CXXC5: variants seen among roughly 807,000 people sequenced by gnomAD.
CXXC5 encodes CXXC finger protein 5.
A neutral mutation model predicts 17.6 loss-of-function variants in CXXC5; 2 were observed. The ratio of observed to expected loss-of-function variants is 0.11; its 90% CI spans 0.05 to 0.36. The LOEUF (loss-of-function observed/expected upper bound fraction) is 0.36. Ranked by LOEUF, CXXC5 falls within the 10% of genes least tolerant of loss-of-function variation. The pLI, the probability that CXXC5 is intolerant of heterozygous loss-of-function variation, is 1.00. For synonymous variants in CXXC5, 171 were observed against 193.0 expected, an observed-to-expected ratio of 0.89 and a Z score of 0.94; for missense variants, 343 against 458.3, an observed-to-expected ratio of 0.75 and a Z score of 2.30.
At chr5:139,665,509 C>T (rs1756061524) in intron 1 of CXXC5, 1 of 152,322 alleles carries the variant, frequency 6.6e-6, no homozygotes, top group Admixed American at 6.5e-5. Flanking sequence ...ACCTAACCCC[C>T]AGTGGCCTCT....
In CXXC5 at chr5:139,661,793, C is replaced by T. The variant is rs1210735954; in HGVS notation, c.-161+12948C>T. 6.6e-5 allele frequency among the ~76,000 whole-genome samples: 10 copies of T among 152,262 alleles called. No homozygotes were observed. The highest frequency in any genetic ancestry group is 1.9e-4 in the East Asian group (1 of 5,204). ...CGGCCTTCAGCCATGTTGTGTCCAC[C>T]GGGTTCTGCAAGGTGTGGGTGGGGA... On this transcript the variant is annotated intron_variant, in intron 1 of 2. Coordinates refer to ENST00000302517, the MANE Select transcript of CXXC5 (RefSeq NM_016463.9). The surrounding 1 kb of genome is among the most constrained non-coding windows in gnomAD (Gnocchi z 4.7).
chr5:139,681,720 CT>C (rs1269258619), intron 2 of CXXC5, among the ~76,000 whole-genome samples: 1 of 152,272 alleles, frequency 6.6e-6, no homozygotes, highest in Non-Finnish European at 1.5e-5. Context: ...CCCTGGGATT[CT>C]GATTCCTCTC....
At chr5:139,652,169 CGCGTGTGTGT>C (rs1413097427) in intron 1 of CXXC5, among the ~76,000 whole-genome samples, 9 of 140,068 alleles carry the variant, frequency 6.4e-5, no homozygotes, top group East Asian at 2.2e-4. Flanking sequence ...CGCGCGCGCG[CGCGTGTGTGT>C]GTGTGTGTGT....
chr5:139,657,573 C>A (rs1755556126), intron 1 of CXXC5, among the ~76,000 whole-genome samples: 1 of 152,158 alleles, frequency 6.6e-6, no homozygotes, highest in Non-Finnish European at 1.5e-5. Flanking sequence ...GACCTACTGG[C>A]CCTGTGGAGG....
intron 1 of CXXC5, among the ~76,000 whole-genome samples, chr5:139,678,939 G>A (rs1757024554): frequency 1.3e-5 from 2 of 152,322 alleles, no homozygotes; most frequent in South Asian, 2.1e-4. Context: ...TGAGGAAACC[G>A]CCGCCTTGCT....
intron 1 of CXXC5, among the ~76,000 whole-genome samples, chr5:139,676,885 C>T (rs1339115714): frequency 3.3e-5 from 5 of 151,788 alleles, no homozygotes; most frequent in Non-Finnish European, 7.4e-5. Context: ...TCTGATCCTC[C>T]CCTCTAGTTC....
At chr5:139,676,950 C>T (rs1490526462) in intron 1 of CXXC5, among the ~76,000 whole-genome samples, 1 of 151,094 alleles carries the variant, frequency 6.6e-6, no homozygotes, top group Non-Finnish European at 1.5e-5. Context: ...CCGCATGCCC[C>T]TCTGCCCCCC....
intron 1 of CXXC5, among the ~76,000 whole-genome samples, chr5:139,666,075 C>T (rs1441287534): frequency 2.0e-5 from 3 of 152,332 alleles, no homozygotes; most frequent in South Asian, 2.1e-4. Context: ...AGGACATTAT[C>T]GGGCCAGTGT....
At chr5:139,676,802 C>T (rs1756857049) in intron 1 of CXXC5, among the ~76,000 whole-genome samples, 1 of 151,686 alleles carries the variant, frequency 6.6e-6, no homozygotes, top group Non-Finnish European at 1.5e-5. Flanking sequence ...CCTGTTACCC[C>T]AGACACTGCT....
intron 1 of CXXC5, among the ~76,000 whole-genome samples, chr5:139,662,288 G>A (rs944776886): frequency 2.0e-5 from 3 of 152,176 alleles, no homozygotes; most frequent in Admixed American, 6.5e-5. Context: ...TGGGTACAGA[G>A]CTGGCTTATG....
chr5:139,669,991 C>T (rs1037457873), intron 1 of CXXC5, among the ~76,000 whole-genome samples: 1 of 152,228 alleles, frequency 6.6e-6, no homozygotes, highest in Non-Finnish European at 1.5e-5. Flanking sequence ...GAGCCTCCAT[C>T]GACCCTGGCC....
rs998466801 is a variant in CXXC5 at position 139,670,805 on chromosome 5, C to T, written c.-160-9559C>T. On this transcript the variant is annotated intron_variant, in intron 1 of 2. Coordinates refer to ENST00000302517, the MANE Select transcript of CXXC5 (RefSeq NM_016463.9). This position sits in a 1 kb window ranked among gnomAD's most constrained non-coding sequence, Gnocchi z 4.2. ...CACTGCTACATGATCCCCATATATGCTTTAATGCTGTGGTCTGTAGAGGGC... is the reference window on the plus strand; with the variant it reads ...CACTGCTACATGATCCCCATATATGTTTTAATGCTGTGGTCTGTAGAGGGC... Among the ~76,000 whole-genome samples the T allele has an allele frequency of 6.6e-6, 1 of 152,210 alleles. No homozygotes were observed. Among genetic ancestry groups the T allele is most frequent in the East Asian group, 1.9e-4 (1 of 5,204 alleles).
intron 1 of CXXC5, among the ~76,000 whole-genome samples, chr5:139,666,759 G>A (rs1232647034): frequency 6.6e-6 from 1 of 152,250 alleles, no homozygotes; most frequent in Non-Finnish European, 1.5e-5. Flanking sequence ...AGTGGTGCTG[G>A]CTCTGGCGCA....
At chr5:139,682,748 T>C (rs1757317751) in intron 2 of CXXC5, 115 bp from the exon 3 acceptor site, 1 of 1,107,524 alleles carries the variant, frequency 9.0e-7, no homozygotes, top group Non-Finnish European at 1.2e-6. Flanking sequence ...GTGGCTGCTC[T>C]TCCTCCATGC....
Position 139,648,601 on chromosome 5 carries a change from T to A in CXXC5, c.-405T>A, listed in dbSNP as rs979137180. 1.3e-5 allele frequency: 2 copies of A among 151,188 alleles called. No individual in the cohort carries two copies. 9.4% of individuals were successfully genotyped at this position (151,188 alleles called of 1,614,324 possible). On this transcript the variant is annotated 5_prime_UTR_variant, in exon 1 of 3. Coordinates refer to ENST00000302517, the MANE Select transcript of CXXC5 (RefSeq NM_016463.9). ...AGCTCGGGGGTGATTAGTTGCTTTT[T>A]GTTGTTTTTTAATTTGGGCCGCGGG...
chr5:139,657,643 T>TA (rs1755559368), intron 1 of CXXC5, among the ~76,000 whole-genome samples: 1 of 152,172 alleles, frequency 6.6e-6, no homozygotes, highest in Admixed American at 6.5e-5. Flanking sequence ...AATAGGCTGC[T>TA]AAGCCAAGCC....
intron 1 of CXXC5, among the ~76,000 whole-genome samples, chr5:139,666,590 A>G (rs993977617): frequency 4.6e-5 from 7 of 152,228 alleles, no homozygotes; most frequent in Admixed American, 1.3e-4. Context: ...CTGAGCCACA[A>G]AGAGGCCAGG....
At chr5:139,652,842 T>C (rs1297945570) in intron 1 of CXXC5, among the ~76,000 whole-genome samples, 1 of 152,124 alleles carries the variant, frequency 6.6e-6, no homozygotes, top group Admixed American at 6.5e-5. Context: ...GATTTGTGAT[T>C]TGTGTGTATC....
intron 1 of CXXC5, among the ~76,000 whole-genome samples, chr5:139,672,831 C>T (rs1756560175): frequency 6.6e-6 from 1 of 152,290 alleles, no homozygotes; most frequent in African/African-American, 2.4e-5. Flanking sequence ...GGTGGAGCCA[C>T]AAACCTAGGC....
Sources: allele counts gnomAD v4.1 joint callset (sites outside exome capture counted in the v4.1 genomes callset), GRCh38; gene constraint gnomAD v4.1.1; non-coding constraint Gnocchi (gnomAD v3.1); transcripts MANE v1.5; gene names NCBI Gene and HGNC (gene_info 2026-07-23, HGNC 2026-07-21).